The following WDFY4 variants were observed in gnomAD, a reference collection of about 807,000 sequenced individuals.
WDFY4 encodes the protein WDFY family member 4.
In WDFY4, 169 loss-of-function variants were observed where a neutral mutation model predicts 351.9. The ratio of observed to expected loss-of-function variants is 0.48; its 90% CI spans 0.42 to 0.55. WDFY4 has a LOEUF of 0.55. Among genes scored for constraint, WDFY4 ranks in the 20% least tolerant of loss-of-function variants. The pLI, the probability that WDFY4 is intolerant of heterozygous loss-of-function variation, is 0.00. For missense variants in WDFY4, 3,803 were observed against 3,935.6 expected (o/e 0.97, Z 0.90); for synonymous variants, 1,622 against 1,574.6 (o/e 1.03, Z -0.71).
At chr10:48,712,835 G>A (rs2063802196) in intron 2 of WDFY4, among the ~76,000 whole-genome samples, 1 of 96,460 alleles carries the variant, frequency 1.0e-5, no homozygotes, top group African/African-American at 3.6e-5. Flanking sequence ...AACCTAAAAT[G>A]TTATGCCACT....
intron 13 of WDFY4, among the ~76,000 whole-genome samples, chr10:48,772,377 A>G (rs1358771876): frequency 6.6e-6 from 1 of 151,950 alleles, no homozygotes; most frequent in East Asian, 1.9e-4. Context: ...GTGTGGACAC[A>G]TGTGCGTGTA....
chr10:48,720,484 C>A (rs1308493487), intron 3 of WDFY4, among the ~76,000 whole-genome samples: 1 of 151,792 alleles, frequency 6.6e-6, no homozygotes, highest in Non-Finnish European at 1.5e-5. Context: ...GATACAGAGA[C>A]ACATACACAT....
chr10:48,688,113 G>C (rs1391687327), intron 1 of WDFY4, among the ~76,000 whole-genome samples: 2 of 152,208 alleles, frequency 1.3e-5, no homozygotes, highest in Non-Finnish European at 2.9e-5. Context: ...ACTGATCCAT[G>C]ATAGCTCTGT....
chr10:48,963,971 A>G lies in WDFY4; in HGVS notation c.8353A>G (p.Met2785Val). The change falls in exon 54 of 62, where the codon ATG (methionine) becomes GTG (valine). Residue 2785 changes from methionine to valine, a missense_variant. Transcript: ENST00000325239. The stretch of plus-strand genomic sequence containing the variant: ...CCACCCCTACTTCTACGGTGACAGA[A>G]TGGACCTCAGCAGCATCACTGACCC... The part of the protein sequence containing the change: ...IFHPYFYGDR[M>V]DLSSITDPLI... 6.4e-7 allele frequency: 1 copy of G among 1,550,994 alleles called. No individual in the cohort carries two copies. Among genetic ancestry groups the G allele is most frequent in the Non-Finnish European group, 8.7e-7 (1 of 1,146,994 alleles).
At chr10:48,820,769 G>C (rs1305968677) in intron 33 of WDFY4, among the ~76,000 whole-genome samples, 1 of 152,156 alleles carries the variant, frequency 6.6e-6, no homozygotes, top group East Asian at 1.9e-4. Flanking sequence ...GGCCCAAGGG[G>C]GGTTCTGGGG....
chr10:48,849,856 C>T (rs2068899270), intron 39 of WDFY4, among the ~76,000 whole-genome samples: 1 of 152,190 alleles, frequency 6.6e-6, no homozygotes, highest in African/African-American at 2.4e-5. Context: ...TACCACATTA[C>T]ATATAGTTAT....
At chr10:48,927,527 G>T (rs1371161785) in intron 47 of WDFY4, among the ~76,000 whole-genome samples, 1 of 152,118 alleles carries the variant, frequency 6.6e-6, no homozygotes, top group South Asian at 2.1e-4. Flanking sequence ...AAATTCTCAG[G>T]TTCACTTCAT....
intron 59 of WDFY4, 28 bp from the exon 60 acceptor site, chr10:48,978,281 G>C: frequency 6.5e-7 from 1 of 1,547,014 alleles, no homozygotes; most frequent in Non-Finnish European, 8.7e-7. Flanking sequence ...CGTCTTCCCC[G>C]CCGATGACAT....
chr10:48,890,435 G>A, intron 43 of WDFY4, 144 bp from the exon 44 acceptor site: 1 of 1,000,690 alleles, frequency 1.0e-6, no homozygotes, highest in Non-Finnish European at 1.5e-6. Flanking sequence ...TACAGTCCTG[G>A]GACAGCGGGA....
At chr10:48,736,989 C>T (rs1465991361) in intron 11 of WDFY4, among the ~76,000 whole-genome samples, 1 of 152,220 alleles carries the variant, frequency 6.6e-6, no homozygotes, top group Non-Finnish European at 1.5e-5. Flanking sequence ...TAGTTAAATA[C>T]ATATAACAAA....
At chr10:48,803,422 G>T in intron 25 of WDFY4, 63 bp downstream of exon 25, 1 of 1,505,480 alleles carries the variant, frequency 6.6e-7, no homozygotes, top group East Asian at 2.5e-5. Context: ...AACAGAGACA[G>T]GGCAGGGTGG....
chr10:48,908,776 A>G (rs1461207278), intron 47 of WDFY4, among the ~76,000 whole-genome samples: 1 of 152,168 alleles, frequency 6.6e-6, no homozygotes, highest in East Asian at 1.9e-4. Flanking sequence ...GGACACTGAC[A>G]CTGGTACATG....
rs778847886 is a variant in WDFY4, at chr10:48,832,419, C to T, written c.6527-154C>T. On this transcript the variant is annotated intron_variant, in intron 38 of 61. Transcript: ENST00000325239. ...TCTTAGCCAAAGGAAGGTCAGAAGA[C>T]GGCAGTGTGAGCTTGTAGCCTGGGT... 1.6e-4 allele frequency among the ~76,000 whole-genome samples: 25 copies of T among 152,364 alleles called. No homozygotes were observed. The South Asian group carries it at 2.3e-3, about 14-fold the overall frequency.
chr10:48,836,480 CATT>C (rs2068398011), intron 39 of WDFY4, among the ~76,000 whole-genome samples: 1 of 152,192 alleles, frequency 6.6e-6, no homozygotes, highest in South Asian at 2.1e-4. Context: ...TTGGAGGAAA[CATT>C]ATTCATTTGG....
rs201712349 is a variant in WDFY4 at position 48,959,263 on chromosome 10, C to G, written c.8132-459C>G. On this transcript the variant is annotated intron_variant, in intron 52 of 61. Coordinates refer to ENST00000325239, the MANE Select transcript of WDFY4 (RefSeq NM_001394531.1). Reference sequence around the variant, plus strand: ...AACGGAGAGAAAATGCATAAATTATCAAGTTAGAATGAAGATTCAGTGAGG... The same window carrying G: ...AACGGAGAGAAAATGCATAAATTATGAAGTTAGAATGAAGATTCAGTGAGG... Among the ~76,000 whole-genome samples, 3 of 152,138 alleles carry G rather than the reference C, an allele frequency of 2.0e-5. No homozygotes were observed. In the East Asian group the frequency reaches 5.8e-4, roughly 29 times the overall value.
chr10:48,721,399 G>T (rs1293715851), intron 4 of WDFY4, 32 bp downstream of exon 4: 1 of 1,545,274 alleles, frequency 6.5e-7, no homozygotes, highest in Admixed American at 2.0e-5. Flanking sequence ...TCTGCCCTGG[G>T]CACTGCTCAT....
At chr10:48,854,728 T>C (rs2069077607) in intron 39 of WDFY4, among the ~76,000 whole-genome samples, 1 of 152,224 alleles carries the variant, frequency 6.6e-6, no homozygotes, top group South Asian at 2.1e-4. Context: ...TCTTTTCCTA[T>C]TATCACACTG....
At chr10:48,866,425 C>T (rs1457147073) in intron 39 of WDFY4, among the ~76,000 whole-genome samples, 3 of 151,974 alleles carry the variant, frequency 2.0e-5, no homozygotes, top group Non-Finnish European at 2.9e-5. Flanking sequence ...AATTTTGTTC[C>T]GTTGTGATTA....
intron 3 of WDFY4, among the ~76,000 whole-genome samples, chr10:48,720,748 A>G (rs2064057509): frequency 6.6e-6 from 1 of 152,200 alleles, no homozygotes; most frequent in African/African-American, 2.4e-5. Flanking sequence ...TGGTCCTGAA[A>G]AGACACAGAG....
Sources: allele counts gnomAD v4.1 joint callset (sites outside exome capture counted in the v4.1 genomes callset), GRCh38; gene constraint gnomAD v4.1.1; transcripts MANE v1.5; gene names NCBI Gene and HGNC (gene_info 2026-07-23, HGNC 2026-07-21).